FGD5: variants seen among roughly 807,000 people sequenced by gnomAD.
The protein encoded by FGD5 is FYVE, RhoGEF and PH domain-containing protein 5.
A neutral mutation model predicts 133.4 loss-of-function variants in FGD5; 28 were observed. That is an observed-to-expected ratio of 0.21 (90% CI 0.16 to 0.29). FGD5 has a LOEUF of 0.29. Among genes scored for constraint, FGD5 ranks in the 10% least tolerant of loss-of-function variants. The pLI is 1.00. For missense variants in FGD5, 1,858 were observed against 1,895.2 expected (o/e 0.98, Z 0.36); for synonymous variants, 810 against 776.5 (o/e 1.04, Z -0.72).
intron 4 of FGD5, among the ~76,000 whole-genome samples, chr3:14,883,487 C>T (rs1038097673): frequency 2.6e-5 from 4 of 152,170 alleles, no homozygotes; most frequent in African/African-American, 9.7e-5. Flanking sequence ...ACCATGCACC[C>T]ATTCACTCTC....
chr3:14,878,748 C>T (rs1239845831), intron 2 of FGD5, among the ~76,000 whole-genome samples: 8 of 133,748 alleles, frequency 6.0e-5, no homozygotes, highest in Non-Finnish European at 1.1e-4. Context: ...TTTTTTGAGA[C>T]GGAGTCTCAC....
chr3:14,888,002 C>CAA (rs5846851), intron 4 of FGD5, among the ~76,000 whole-genome samples: 26 of 148,474 alleles, frequency 1.8e-4, no homozygotes, highest in Admixed American at 4.0e-4. Flanking sequence ...CCCATCACTA[C>CAA]AAAAAAAAAA....
chr3:14,841,788 C>G (rs777519302), intron 1 of FGD5, among the ~76,000 whole-genome samples: 43 of 152,154 alleles, frequency 2.8e-4, no homozygotes, highest in Non-Finnish European at 5.6e-4. Flanking sequence ...ACCTCTCCTG[C>G]CTGCTTCCTG....
At position 14,910,910 on chromosome 3, in the gene FGD5, G is replaced by A. The variant is rs755965401; in HGVS notation, c.3386G>A (p.Arg1129Gln). 22 of 1,612,922 alleles carry A rather than the reference G, an allele frequency of 1.4e-5. No homozygotes were observed. The highest frequency in any genetic ancestry group is 6.7e-5 in the East Asian group (3 of 44,874). ...TLMKVTGKNR[R>Q]PRHLFLMNDV... The stretch of plus-strand genomic sequence containing the variant: ...ATGAAAGTAACAGGGAAAAACAGAC[G>A]GCCCCGGCACCTATTTCTGGTAAGT... The change falls in exon 11 of 20, where the codon CGG (arginine) becomes CAG (glutamine). Residue 1129 changes from arginine (R) to glutamine (Q), a missense_variant. Arg to Gln is a conservative substitution (Grantham distance 43). Transcript: ENST00000285046.
intron 9 of FGD5, among the ~76,000 whole-genome samples, chr3:14,901,469 C>G (rs1293331154): frequency 6.6e-6 from 1 of 152,202 alleles, no homozygotes; most frequent in Non-Finnish European, 1.5e-5. Context: ...AATCACTAGT[C>G]CACTAGAATA....
chr3:14,863,253 G>A lies in FGD5; in HGVS notation c.2526-875G>A, dbSNP rs113415504. On this transcript the variant is annotated intron_variant, in intron 1 of 19. Transcript: ENST00000285046. ...AGTTGTCTGGGGCCACGTTGCCAATGGCAAGAGGGAGCCACTGAAGGTTTT... is the reference window on the plus strand; with the variant it reads ...AGTTGTCTGGGGCCACGTTGCCAATAGCAAGAGGGAGCCACTGAAGGTTTT... 6.6e-4 allele frequency among the ~76,000 whole-genome samples: 100 copies of A among 152,360 alleles called. 1 individual carries two copies. Among genetic ancestry groups the A allele is most frequent in the African/African-American group, 2.4e-3 (99 of 41,584 alleles).
intron 9 of FGD5, among the ~76,000 whole-genome samples, chr3:14,905,566 T>G (rs1353403775): frequency 1.3e-5 from 2 of 152,204 alleles, no homozygotes; most frequent in Non-Finnish European, 2.9e-5. Context: ...CTGCTAAACC[T>G]GTCAAAGGAA....
chr3:14,907,841 G>C, intron 10 of FGD5, 130 bp downstream of exon 10: 1 of 860,450 alleles, frequency 1.2e-6, no homozygotes, highest in South Asian at 1.8e-5. Flanking sequence ...GCAGGCAGGC[G>C]GGTGGGCGTG....
At chr3:14,866,960 A>AGCAGGTC (rs2037507293) in intron 2 of FGD5, among the ~76,000 whole-genome samples, 1 of 152,216 alleles carries the variant, frequency 6.6e-6, no homozygotes, top group Admixed American at 6.5e-5. Flanking sequence ...TCATCTTTCC[A>AGCAGGTC]GCAGGTCAGT....
chr3:14,880,565 C>T lies in FGD5; in HGVS notation c.2659-7C>T. The T allele has an allele frequency of 3.1e-6, 5 of 1,613,430 alleles. No individual in the cohort carries two copies. The highest frequency in any genetic ancestry group is 2.2e-5 in the East Asian group (1 of 44,868). Reference sequence around the variant, plus strand: ...GTCCCACCTGATTGCTCTCTTTCCTCCCACAGGTGGAAGGACAGTCCAGAG... The same window carrying T: ...GTCCCACCTGATTGCTCTCTTTCCTTCCACAGGTGGAAGGACAGTCCAGAG... On this transcript the variant is annotated splice_polypyrimidine_tract_variant and splice_region_variant and intron_variant, in intron 2 of 19. Transcript: ENST00000285046.
At position 14,923,118 on chromosome 3, in the gene FGD5, G is replaced by A; in HGVS notation, c.3880G>A (p.Asp1294Asn). ...GAAGGACAGGATGGCCAAGGTCTGCGACGGCTGCTTCGGGGAGCTGAAGAA... is the reference window on the plus strand; with the variant it reads ...GAAGGACAGGATGGCCAAGGTCTGCAACGGCTGCTTCGGGGAGCTGAAGAA... ...YLKDRMAKVC[D>N]GCFGELKKRG... The change falls in exon 16 of 20, where the codon GAC (aspartate) becomes AAC (asparagine). Residue 1294 changes from aspartate to asparagine, a missense_variant. This residue lies in a region of FGD5 where 1,824 missense variants were observed against 1,848.9 expected (regional missense o/e 0.99). Coordinates refer to ENST00000285046, the MANE Select transcript of FGD5 (RefSeq NM_152536.4). The A allele has an allele frequency of 1.9e-6, 3 of 1,613,868 alleles. No individual in the cohort carries two copies. Among genetic ancestry groups the A allele is most frequent in the East Asian group, 2.2e-5 (1 of 44,886 alleles).
rs2036993577 is a variant in FGD5 at position 14,844,220 on chromosome 3, ATATATATATATATAT to A, written c.2526-19907_2526-19893del. 6.9e-3 allele frequency among the ~76,000 whole-genome samples: 113 copies of A among 16,348 alleles called. 6 individuals carry two copies. Among genetic ancestry groups the A allele is most frequent in the South Asian group, 0.056 (17 of 306 alleles). 10.7% of individuals were successfully genotyped at this position (16,348 alleles called of 152,430 possible). A position where few individuals can be genotyped will look rare whatever the true frequency, so the allele number is the denominator to read the frequency against. On this transcript the variant is annotated intron_variant, in intron 1 of 19. Coordinates refer to ENST00000285046, the MANE Select transcript of FGD5 (RefSeq NM_152536.4). ...AATAGGCATTAAAAAAAAAAAAAAT[ATATATATATATATAT>A]ATATATATATATATATATATATATA...
chr3:14,922,200 C>T lies in FGD5; in HGVS notation c.3669+183C>T, dbSNP rs1406880753. Reference sequence around the variant, plus strand: ...GGGCGGCCTCCGTGTAACCTAGGAGCCCAGCACCCACAGTCTTGTTCTCAC... The same window carrying T: ...GGGCGGCCTCCGTGTAACCTAGGAGTCCAGCACCCACAGTCTTGTTCTCAC... On this transcript the variant is annotated intron_variant, in intron 14 of 19. Coordinates refer to ENST00000285046, the MANE Select transcript of FGD5 (RefSeq NM_152536.4). The surrounding 1 kb of genome is among the most constrained non-coding windows in gnomAD (Gnocchi z 4.1). 1.0e-6 allele frequency: 1 copy of T among 966,174 alleles called. No homozygotes were observed. The highest frequency in any genetic ancestry group is 2.6e-5 in the East Asian group (1 of 38,152). The allele number at this position is 966,174 out of a possible 1,614,324, so 59.9% of individuals were successfully genotyped here.
rs2038799341 is a variant in FGD5, at chr3:14,926,142, A to G, written c.4141A>G (p.Lys1381Glu). The change falls in exon 18 of 20, where the codon AAG becomes GAG. Residue 1381 changes from lysine (K) to glutamate (E), a missense_variant. Around this residue, in one of 3 missense-constraint regions of FGD5, gnomAD observed 1,824 missense variants for 1,848.9 expected, o/e 0.99. Coordinates refer to ENST00000285046, the MANE Select transcript of FGD5 (RefSeq NM_152536.4). Reference protein sequence around the residue: ...SRCKRGKRHWKKLWFVIKGKV... With the variant: ...SRCKRGKRHWEKLWFVIKGKV... ...GTGTAAGAGGGGCAAGCGGCACTGG[A>G]AGAAGCTCTGGTTTGTCATCAAAGG... is the stretch of plus-strand genomic sequence containing the variant. 6.2e-7 allele frequency: 1 copy of G among 1,613,800 alleles called. No individual in the cohort carries two copies. The highest frequency in any genetic ancestry group is 1.1e-5 in the South Asian group (1 of 91,082).
chr3:14,918,611 T>A (rs2038609080), intron 12 of FGD5, 143 bp from the exon 13 acceptor site: 3 of 767,514 alleles, frequency 3.9e-6, no homozygotes, highest in Admixed American at 4.4e-5. Context: ...CCACAGCACC[T>A]ACCATCACAG....
At chr3:14,864,360 T>C in intron 2 of FGD5, 100 bp downstream of exon 2, 1 of 1,563,086 alleles carries the variant, frequency 6.4e-7, no homozygotes, top group Non-Finnish European at 8.7e-7. Flanking sequence ...CGGAGCTGTT[T>C]GCAGATAGCT....
chr3:14,916,801 T>A (rs1379709237), intron 11 of FGD5, among the ~76,000 whole-genome samples: 1 of 152,228 alleles, frequency 6.6e-6, no homozygotes, highest in Admixed American at 6.5e-5. Flanking sequence ...AGAAATGTCA[T>A]CAAACAGCAT....
chr3:14,868,015 AGCCCCAC>A (rs2037530346), intron 2 of FGD5, among the ~76,000 whole-genome samples: 2 of 152,028 alleles, frequency 1.3e-5, no homozygotes, highest in African/African-American at 4.8e-5. Flanking sequence ...CAGGAGGCTG[AGCCCCAC>A]TGGTCCACCC....
intron 1 of FGD5, among the ~76,000 whole-genome samples, chr3:14,824,598 C>T (rs1204739064): frequency 2.0e-5 from 3 of 152,146 alleles, no homozygotes; most frequent in Non-Finnish European, 4.4e-5. Flanking sequence ...GAGGCTGGGC[C>T]GCAGTTTGCT....
Sources: gnomAD v4.1 joint callset for allele counts (sites outside exome capture counted in the v4.1 genomes callset) on GRCh38, gnomAD v4.1.1 for gene constraint, gnomAD v4.1.1 regional missense constraint, Gnocchi (gnomAD v3.1) non-coding constraint, MANE v1.5 for transcripts, NCBI Gene and HGNC (gene_info 2026-07-23, HGNC 2026-07-21) for gene names.